The following NOVA1 variants were observed in gnomAD, a reference collection of about 807,000 sequenced individuals.
The protein encoded by NOVA1 is RNA-binding protein Nova-1.
In NOVA1, 7 loss-of-function variants were observed where a neutral mutation model predicts 38.0. The ratio of observed to expected loss-of-function variants is 0.18; its 90% CI spans 0.10 to 0.35. The LOEUF (loss-of-function observed/expected upper bound fraction) is 0.35, where lower values mean the gene tolerates loss of function less well. NOVA1 is among the 10% of genes least tolerant of loss of function. The pLI is 1.00. For missense variants in NOVA1, 460 were observed against 616.0 expected (o/e 0.75, Z 2.68); for synonymous variants, 270 against 232.5 (o/e 1.16, Z -1.47).
At chr14:26,554,006 G>A (rs1276389776) in intron 2 of NOVA1, among the ~76,000 whole-genome samples, 1 of 151,790 alleles carries the variant, frequency 6.6e-6, no homozygotes, top group African/African-American at 2.4e-5. Context: ...AAAACTGGCT[G>A]GGCATGGTGG....
intron 2 of NOVA1, chr14:26,549,909 A>G (rs1392504474): frequency 1.3e-5 from 4 of 313,384 alleles, no homozygotes; most frequent in South Asian, 2.9e-5. Flanking sequence ...ATGAAAATAT[A>G]TAAGAACAAA....
At chr14:26,510,560 A>T (rs909186119) in intron 2 of NOVA1, among the ~76,000 whole-genome samples, 1 of 152,312 alleles carries the variant, frequency 6.6e-6, no homozygotes, top group Non-Finnish European at 1.5e-5. Context: ...GAAAATGAGA[A>T]GTACTGAGGG....
chr14:26,582,224 A>T (rs1322482165), intron 2 of NOVA1, among the ~76,000 whole-genome samples: 3 of 151,862 alleles, frequency 2.0e-5, no homozygotes, highest in African/African-American at 7.2e-5. Flanking sequence ...AAGTAGTCAA[A>T]AAATGTTTAC....
intron 2 of NOVA1, among the ~76,000 whole-genome samples, chr14:26,570,485 T>A (rs1685866003): frequency 6.6e-6 from 1 of 151,850 alleles, no homozygotes; most frequent in African/African-American, 2.4e-5. Context: ...GTTGTCAATA[T>A]GAATATCTCA....
intron 1 of NOVA1, chr14:26,596,901 T>A (rs1302257033): frequency 6.8e-6 from 8 of 1,174,254 alleles, no homozygotes; most frequent in Non-Finnish European, 7.5e-6. Flanking sequence ...TTATTTATTT[T>A]ATCAGACTGT....
chr14:26,542,857 T>G (rs1890556581), intron 2 of NOVA1, among the ~76,000 whole-genome samples: 1 of 151,766 alleles, frequency 6.6e-6, no homozygotes, highest in African/African-American at 2.4e-5. Flanking sequence ...TTATTTATCA[T>G]AGTTAGCTAC....
Position 26,443,418 on chromosome 14 carries a change from T to C in NOVA1, c.*4541A>G, listed in dbSNP as rs1881837965. On this transcript the variant is annotated 3_prime_UTR_variant, in exon 5 of 5. Transcript: ENST00000539517. ...AAATCTGATTTGATGTACTTTATTA[T>C]ACAAGGTAATGCTTCAATTTTCAAG... The C allele has an allele frequency of 6.6e-6, 1 of 152,058 alleles. No individual in the cohort carries two copies. Among genetic ancestry groups the C allele is most frequent in the African/African-American group, 2.4e-5 (1 of 41,452 alleles). The allele number at this position is 152,058 out of a possible 1,614,324, so 9.4% of individuals were successfully genotyped here. A position where few individuals can be genotyped will look rare whatever the true frequency, so the allele number is the denominator to read the frequency against.
At chr14:26,482,084 T>C (rs1259094647) in intron 2 of NOVA1, among the ~76,000 whole-genome samples, 1 of 149,420 alleles carries the variant, frequency 6.7e-6, no homozygotes, top group African/African-American at 2.5e-5. Context: ...ACAAACCATG[T>C]CAGACCACAC....
intron 2 of NOVA1, among the ~76,000 whole-genome samples, chr14:26,563,317 T>A (rs1362122594): frequency 1.4e-5 from 2 of 145,878 alleles, no homozygotes; most frequent in African/African-American, 2.6e-5. Context: ...ATAAGAACAA[T>A]ATGTCACATT....
chr14:26,494,091 T>A (rs576848342), intron 2 of NOVA1, among the ~76,000 whole-genome samples: 1 of 152,192 alleles, frequency 6.6e-6, no homozygotes, highest in Admixed American at 6.5e-5. Flanking sequence ...CTTATCCTCA[T>A]AGTAATCCAT....
chr14:26,541,554 T>C (rs911226555), intron 2 of NOVA1, among the ~76,000 whole-genome samples: 3 of 148,320 alleles, frequency 2.0e-5, no homozygotes, highest in African/African-American at 7.5e-5. Context: ...TATTTTATAA[T>C]TGATACATAC....
intron 4 of NOVA1, among the ~76,000 whole-genome samples, chr14:26,454,867 A>G (rs1272802847): frequency 2.0e-5 from 3 of 152,150 alleles, no homozygotes; most frequent in Non-Finnish European, 4.4e-5. Context: ...ATGTATTACA[A>G]TTTAGGATAC....
At chr14:26,523,932 T>C (rs1419867015) in intron 2 of NOVA1, among the ~76,000 whole-genome samples, 1 of 152,020 alleles carries the variant, frequency 6.6e-6, no homozygotes, top group Non-Finnish European at 1.5e-5. Context: ...TTTGTATTTT[T>C]AGTAGTGACG....
At chr14:26,464,790 T>A (rs1332187503) in intron 4 of NOVA1, among the ~76,000 whole-genome samples, 1 of 152,158 alleles carries the variant, frequency 6.6e-6, no homozygotes, top group African/African-American at 2.4e-5. Context: ...GATATTCCTA[T>A]ATTAAATCTT....
chr14:26,587,528 A>G (rs1183915639), intron 2 of NOVA1, among the ~76,000 whole-genome samples: 1 of 151,124 alleles, frequency 6.6e-6, no homozygotes, highest in African/African-American at 2.4e-5. Flanking sequence ...CTTCACACTT[A>G]AGAATGAAAC....
chr14:26,521,734 C>G lies in NOVA1; in HGVS notation c.281-41591G>C, dbSNP rs1036430604. 2.0e-5 allele frequency among the ~76,000 whole-genome samples: 3 copies of G among 152,106 alleles called. No individual in the cohort carries two copies. The East Asian group carries it at 5.8e-4, about 29-fold the overall frequency. On this transcript the variant is annotated intron_variant, in intron 2 of 4. Coordinates refer to ENST00000539517, the MANE Select transcript of NOVA1 (RefSeq NM_002515.3). ...ATATGTTAGAACAGAGGTCAGCAAA[C>G]TTTTCCTATTAATATATAGGTTCAG...
chr14:26,580,192 A>C (rs1313281004), intron 2 of NOVA1, among the ~76,000 whole-genome samples: 3 of 152,228 alleles, frequency 2.0e-5, no homozygotes, highest in Admixed American at 6.5e-5. Context: ...TAGGAAAAAA[A>C]ATTCAGAAGT....
At chr14:26,503,493 TAAAAGTTTGGG>T (rs907884996) in intron 2 of NOVA1, among the ~76,000 whole-genome samples, 1 of 152,098 alleles carries the variant, frequency 6.6e-6, no homozygotes, top group Non-Finnish European at 1.5e-5. Context: ...CAAATAATTA[TAAAAGTTTGGG>T]ATGGAAATGT....
intron 2 of NOVA1, among the ~76,000 whole-genome samples, chr14:26,503,480 T>G (rs1272017625): frequency 1.3e-5 from 2 of 152,114 alleles, no homozygotes; most frequent in Non-Finnish European, 2.9e-5. Context: ...TAGCTCTGAT[T>G]GGCAAATAAT....
Sources: allele counts gnomAD v4.1 joint callset (sites outside exome capture counted in the v4.1 genomes callset), GRCh38; gene constraint gnomAD v4.1.1; transcripts MANE v1.5; gene names NCBI Gene and HGNC (gene_info 2026-07-23, HGNC 2026-07-21).